The following BLTP1 variants were observed in gnomAD, a reference collection of about 807,000 sequenced individuals.
The protein encoded by BLTP1 is bridge-like lipid transfer protein family member 1, also known as fragile site-associated protein.
chr4:122,360,823 G>T, the BLTP1 span, among the ~76,000 whole-genome samples: 1 of 152,138 alleles, frequency 6.6e-6, no homozygotes, highest in Admixed American at 6.5e-5. Flanking sequence ...AAATAATAAT[G>T]TATTTAAATT....
the BLTP1 span, chr4:122,356,709 G>T: frequency 2.5e-6 from 4 of 1,613,216 alleles, no homozygotes; most frequent in Non-Finnish European, 2.5e-6. Flanking sequence ...AGCTCATCAT[G>T]TTTCTTCATG....
chr4:122,265,054 G>A, the BLTP1 span, among the ~76,000 whole-genome samples: 2 of 152,174 alleles, frequency 1.3e-5, no homozygotes, highest in African/African-American at 2.4e-5. Context: ...AAGTGTGAGA[G>A]TGGGACGTGG....
the BLTP1 span, among the ~76,000 whole-genome samples, chr4:122,282,253 T>G: frequency 1.3e-5 from 2 of 152,178 alleles, no homozygotes; most frequent in Admixed American, 1.3e-4. Flanking sequence ...ACAAAGCATG[T>G]AAATTATACA....
chr4:122,327,126 G>GTTTTGTTTTA, the BLTP1 span, among the ~76,000 whole-genome samples: 1 of 151,276 alleles, frequency 6.6e-6, no homozygotes, highest in Admixed American at 6.6e-5. Context: ...GTTTTGTTTT[G>GTTTTGTTTTA]TTTTGTTTGA....
At chr4:122,199,455 G>T in the BLTP1 span, 1 of 1,609,940 alleles carries the variant, frequency 6.2e-7, no homozygotes, top group African/African-American at 1.3e-5. Context: ...TTAGCAGTAA[G>T]TCTGTAGTAC....
chr4:122,362,192 G>GT, the BLTP1 span: 1 of 1,613,300 alleles, frequency 6.2e-7, no homozygotes, highest in Non-Finnish European at 8.5e-7. Context: ...AAAAAGCTCG[G>GT]TACTGCACTA....
chr4:122,287,945 A>C, the BLTP1 span, among the ~76,000 whole-genome samples: 1 of 152,164 alleles, frequency 6.6e-6, no homozygotes, highest in Non-Finnish European at 1.5e-5. Context: ...AATACAGTGT[A>C]TTGTATAATT....
the BLTP1 span, chr4:122,316,650 T>TA: frequency 6.5e-7 from 1 of 1,538,288 alleles, no homozygotes; most frequent in Non-Finnish European, 8.8e-7. Context: ...CATGCTTTGA[T>TA]TTAAGGTGTT....
At chr4:122,302,283 C>T in the BLTP1 span, 2 of 977,748 alleles carry the variant, frequency 2.0e-6, no homozygotes, top group Non-Finnish European at 2.4e-6. Context: ...GTTCATTAGA[C>T]ATATCCTATA....
chr4:122,322,087 A>T, the BLTP1 span, among the ~76,000 whole-genome samples: 1 of 143,374 alleles, frequency 7.0e-6, no homozygotes, highest in African/African-American at 2.6e-5. Context: ...AATTTGAGAA[A>T]ACTCTCAGTC....
chr4:122,350,075 G>C, the BLTP1 span: 4 of 1,612,846 alleles, frequency 2.5e-6, no homozygotes, highest in Non-Finnish European at 2.5e-6. Context: ...CAAGAACAAT[G>C]TAAGAATTAG....
chr4:122,156,661 G>A, the BLTP1 span, among the ~76,000 whole-genome samples: 1 of 152,222 alleles, frequency 6.6e-6, no homozygotes, highest in African/African-American at 2.4e-5. Context: ...GAAGGATATA[G>A]CTAAAGCTAT....
chr4:122,251,651 G>A, the BLTP1 span: 5 of 976,412 alleles, frequency 5.1e-6, no homozygotes, highest in South Asian at 9.5e-5. Context: ...AGAAATTCAG[G>A]CATCTTTCTT....
At chr4:122,326,531 C>G in the BLTP1 span, among the ~76,000 whole-genome samples, 1 of 151,468 alleles carries the variant, frequency 6.6e-6, no homozygotes, top group Non-Finnish European at 1.5e-5. Flanking sequence ...TTTTAAAGAA[C>G]TATTTAATTG....
At chr4:122,157,399 G>A in the BLTP1 span, among the ~76,000 whole-genome samples, 12 of 152,130 alleles carry the variant, frequency 7.9e-5, no homozygotes, top group Admixed American at 2.0e-4. Flanking sequence ...CAATTTTTCC[G>A]TGCACCTGAC....
At chr4:122,246,547 G>A in the BLTP1 span, 2 of 1,119,510 alleles carry the variant, frequency 1.8e-6, no homozygotes, top group South Asian at 3.6e-5. Context: ...ATGAGAATCT[G>A]TATTCATAAG....
At chr4:122,353,223 T>C in the BLTP1 span, 3 of 1,562,664 alleles carry the variant, frequency 1.9e-6, no homozygotes, top group Admixed American at 1.8e-5. This position sits in a 1 kb window ranked among gnomAD's most constrained non-coding sequence, Gnocchi z 4.3. Flanking sequence ...GACAATTGTA[T>C]TTCTGAAGTC....
chr4:122,240,381 G>T, the BLTP1 span: 1 of 1,556,666 alleles, frequency 6.4e-7, no homozygotes, highest in South Asian at 1.2e-5. Flanking sequence ...AGTTTCCATT[G>T]ATATCTTGAT....
the BLTP1 span, among the ~76,000 whole-genome samples, chr4:122,338,472 A>G: frequency 3.3e-5 from 5 of 152,062 alleles, no homozygotes; most frequent in African/African-American, 1.2e-4. Context: ...GGTCTCTAAA[A>G]AAACAGAGTG....
Sources: allele counts gnomAD v4.1 joint callset (sites outside exome capture counted in the v4.1 genomes callset), GRCh38; gene constraint gnomAD v4.1.1; non-coding constraint Gnocchi (gnomAD v3.1); transcripts MANE v1.5; gene names NCBI Gene and HGNC (gene_info 2026-07-23, HGNC 2026-07-21).